The following BAZ2B variants were observed in gnomAD, a reference collection of about 807,000 sequenced individuals.
BAZ2B encodes the protein bromodomain adjacent to zinc finger domain protein 2B.
BAZ2B carries 91 observed loss-of-function variants against 246.0 expected under a neutral mutation model. The observed-to-expected ratio is 0.37, with a 90% CI of 0.31 to 0.44. The LOEUF (loss-of-function observed/expected upper bound fraction) is 0.44. Ranked by LOEUF, BAZ2B falls within the 20% of genes least tolerant of loss-of-function variation. The pLI is 1.00. For missense variants in BAZ2B, 2,332 were observed against 2,533.7 expected (o/e 0.92, Z 1.71); for synonymous variants, 855 against 860.0 (o/e 0.99, Z 0.10).
rs1335342398 is a variant in BAZ2B, at chr2:159,446,920, T to A, written c.558A>T (p.Thr186=). The A allele has an allele frequency of 6.2e-7, 1 of 1,609,116 alleles. No homozygotes were observed. Among genetic ancestry groups the A allele is most frequent in the East Asian group, 2.2e-5 (1 of 44,672 alleles). ...SNTSSVIGIN[T]SVLSTTASSS... is the part of the protein sequence containing the mutation. ...TTGAAGCAGTAGTGGATAGTACAGA[T>A]GTGTTGATACCAATTACAGATGATG... Residue 186 remains threonine, a synonymous_variant, in exon 6 of 37, where the codon ACA becomes ACT. Coordinates refer to ENST00000392783, the MANE Select transcript of BAZ2B (RefSeq NM_013450.4).
chr2:159,597,313 T>C (rs2151739176), intron 1 of BAZ2B, among the ~76,000 whole-genome samples: 1 of 152,318 alleles, frequency 6.6e-6, no homozygotes, highest in Non-Finnish European at 1.5e-5. Flanking sequence ...TCACTCAACA[T>C]TGATGGACTT....
At chr2:159,448,870 ACTATTGTAATCCACTATAT>A (rs1371650179) in intron 4 of BAZ2B, among the ~76,000 whole-genome samples, 1 of 152,160 alleles carries the variant, frequency 6.6e-6, no homozygotes, top group African/African-American at 2.4e-5. Context: ...ATAATATAAG[ACTATTGTAATCCACTATAT>A]CTCAAGTACA....
chr2:159,444,732 T>C (rs989036072), intron 6 of BAZ2B: 4 of 152,238 alleles, frequency 2.6e-5, no homozygotes, highest in African/African-American at 4.8e-5. Flanking sequence ...TTGTGATGTA[T>C]CAGAAGCTTC....
chr2:159,440,108 C>A (rs2073104961), intron 6 of BAZ2B, among the ~76,000 whole-genome samples: 1 of 152,098 alleles, frequency 6.6e-6, no homozygotes, highest in Non-Finnish European at 1.5e-5. Context: ...AGTACAAGCT[C>A]TGTCATGTAG....
chr2:159,512,737 T>C (rs1322834799), intron 2 of BAZ2B, among the ~76,000 whole-genome samples: 4 of 152,178 alleles, frequency 2.6e-5, no homozygotes, highest in Non-Finnish European at 4.4e-5. Flanking sequence ...TTAAGCACTA[T>C]ACACAGGGAT....
chr2:159,368,998 C>T (rs1322622303), intron 27 of BAZ2B, among the ~76,000 whole-genome samples: 1 of 151,776 alleles, frequency 6.6e-6, no homozygotes, highest in Non-Finnish European at 1.5e-5. Context: ...TACTATCCTT[C>T]CAACACTATG....
At chr2:159,361,213 G>A (rs976394623) in intron 27 of BAZ2B, among the ~76,000 whole-genome samples, 2 of 152,110 alleles carry the variant, frequency 1.3e-5, no homozygotes, top group African/African-American at 2.4e-5. Flanking sequence ...CTGACAAAGC[G>A]CTAGTATCCA....
At chr2:159,564,548 G>C (rs1325860309) in intron 1 of BAZ2B, among the ~76,000 whole-genome samples, 1 of 152,100 alleles carries the variant, frequency 6.6e-6, no homozygotes, top group Non-Finnish European at 1.5e-5. Flanking sequence ...AGCCATATTG[G>C]TGGTGAAAAA....
intron 8 of BAZ2B, 155 bp from the exon 9 acceptor site, chr2:159,433,518 G>T: frequency 1.6e-6 from 1 of 623,290 alleles, no homozygotes; most frequent in Non-Finnish European, 2.5e-6. Context: ...CAACAGCTAT[G>T]ACTAGTTGGT....
the BAZ2B span, among the ~76,000 whole-genome samples, chr2:159,631,028 TA>T: frequency 6.6e-6 from 1 of 151,884 alleles, no homozygotes; most frequent in African/African-American, 2.4e-5. Flanking sequence ...ACCCCAACTT[TA>T]CAAAAAAATT....
At chr2:159,546,085 T>C (rs1206010581) in intron 2 of BAZ2B, among the ~76,000 whole-genome samples, 1 of 152,204 alleles carries the variant, frequency 6.6e-6, no homozygotes, top group South Asian at 2.1e-4. Flanking sequence ...TACTGACTGC[T>C]ATTTCTCCAT....
chr2:159,362,722 G>C (rs181589266), intron 27 of BAZ2B, among the ~76,000 whole-genome samples: 4 of 152,356 alleles, frequency 2.6e-5, no homozygotes. Context: ...GATGGTCTCA[G>C]TAGCTACGCC....
chr2:159,360,108 C>A (rs1376417999), intron 27 of BAZ2B, among the ~76,000 whole-genome samples: 1 of 152,094 alleles, frequency 6.6e-6, no homozygotes, highest in Non-Finnish European at 1.5e-5. Flanking sequence ...CTGGCCGGGG[C>A]AATCAGGTAA....
the BAZ2B span, among the ~76,000 whole-genome samples, chr2:159,687,324 T>C: frequency 6.6e-5 from 10 of 152,240 alleles, no homozygotes; most frequent in Middle Eastern, 3.4e-3. Flanking sequence ...AGCCTCAAGA[T>C]AGAGGCTGGT....
the BAZ2B span, among the ~76,000 whole-genome samples, chr2:159,705,006 T>C: frequency 6.6e-6 from 1 of 151,654 alleles, no homozygotes. Context: ...TCGTCTGGCC[T>C]TTTTTGGTTT....
Position 159,361,704 on chromosome 2 carries a change from TC to T in BAZ2B, c.4213+11340del, listed in dbSNP as rs888983506. ...ACAATAGCAAAGACTTGGAACCAAC[TC>T]AAATGCCCATAAATGATAGACTAGA... On this transcript the variant is annotated intron_variant, in intron 27 of 36. Transcript: ENST00000392783. 8.7e-4 allele frequency among the ~76,000 whole-genome samples: 133 copies of T among 152,206 alleles called. 1 individual carries two copies. Among genetic ancestry groups the T allele is most frequent in the Admixed American group, 3.0e-3 (46 of 15,288 alleles).
chr2:159,497,543 T>C (rs984260964), intron 2 of BAZ2B, among the ~76,000 whole-genome samples: 7 of 152,272 alleles, frequency 4.6e-5, no homozygotes, highest in Non-Finnish European at 7.4e-5. Flanking sequence ...TGGCCAGAAA[T>C]CTATGTGTCA....
At chr2:159,605,036 GAGAA>G (rs1693131830) in intron 1 of BAZ2B, among the ~76,000 whole-genome samples, 1 of 150,440 alleles carries the variant, frequency 6.6e-6, no homozygotes, top group Non-Finnish European at 1.5e-5. Flanking sequence ...GCACAGGAGA[GAGAA>G]AGAGAGAGAG....
At chr2:159,645,237 A>T in the BAZ2B span, among the ~76,000 whole-genome samples, 3 of 151,370 alleles carry the variant, frequency 2.0e-5, no homozygotes, top group Non-Finnish European at 2.9e-5. Context: ...GTGCCATTGT[A>T]CTCCAGGCTG....
Sources: gnomAD v4.1 joint callset for allele counts (sites outside exome capture counted in the v4.1 genomes callset) on GRCh38, gnomAD v4.1.1 for gene constraint, MANE v1.5 for transcripts, NCBI Gene and HGNC (gene_info 2026-07-23, HGNC 2026-07-21) for gene names.